The following DPYSL2 variants were observed in gnomAD, a reference collection of about 807,000 sequenced individuals.
DPYSL2 encodes the protein dihydropyrimidinase-related protein 2.
In DPYSL2, 13 loss-of-function variants were observed where a neutral mutation model predicts 69.9. The ratio of observed to expected loss-of-function variants is 0.19; its 90% CI spans 0.12 to 0.30. DPYSL2 has a LOEUF of 0.30. Ranked by LOEUF, DPYSL2 falls within the 10% of genes least tolerant of loss-of-function variation. The probability of loss-of-function intolerance (pLI) is 1.00; values close to 1 mark genes in which losing one functional copy is unlikely to be tolerated. For synonymous variants in DPYSL2, 326 were observed against 359.1 expected (o/e 0.91, Z 1.04); for missense variants, 587 against 918.9 (o/e 0.64, Z 4.67).
intron 1 of DPYSL2, among the ~76,000 whole-genome samples, chr8:26,556,250 G>GTATATATATGGTA (rs1800968430): frequency 1.5e-4 from 1 of 6,464 alleles, no homozygotes; most frequent in African/African-American, 3.6e-4. Context: ...AATATATATA[G>GTATATATATGGTA]TATATATATA....
At position 26,598,879 on chromosome 8, in the gene DPYSL2, G is replaced by A. The variant is rs1043822937; in HGVS notation, c.628+14896G>A. On this transcript the variant is annotated intron_variant, in intron 3 of 13. Transcript: ENST00000521913. The surrounding 1 kb of genome is among the most constrained non-coding windows in gnomAD (Gnocchi z 4.2). ...AAGGGATGTGGCACTCGGGCAGGAC[G>A]GGGGCTGCTTCTGTGCCTTTTCCCC... Among the ~76,000 whole-genome samples, 7 of 152,308 alleles carry A rather than the reference G, an allele frequency of 4.6e-5. No individual in the cohort carries two copies. Among genetic ancestry groups the A allele is most frequent in the South Asian group, 2.1e-4 (1 of 4,828 alleles).
At chr8:26,557,996 A>T (rs751027260) in intron 1 of DPYSL2, among the ~76,000 whole-genome samples, 3 of 151,938 alleles carry the variant, frequency 2.0e-5, no homozygotes, top group Non-Finnish European at 2.9e-5. Flanking sequence ...GCTGGTGAGG[A>T]TGCAAAATGG....
intron 1 of DPYSL2, among the ~76,000 whole-genome samples, chr8:26,555,693 T>G (rs1037093950): frequency 6.6e-6 from 1 of 151,440 alleles, no homozygotes; most frequent in Non-Finnish European, 1.5e-5. Context: ...GAGACCAGCC[T>G]GGGCAACATG....
In DPYSL2 at chr8:26,626,783, T is replaced by G; in HGVS notation, c.855+105T>G. ...GATGTATGCATGTTTCCTAGCTTCC[T>G]GGGAAGTGGCTGGTGGATGCAGTTA... On this transcript the variant is annotated intron_variant, in intron 5 of 13. Transcript: ENST00000521913. This position sits in a 1 kb window ranked among gnomAD's most constrained non-coding sequence, Gnocchi z 4.3. 1 of 1,222,136 alleles carries G rather than the reference T, an allele frequency of 8.2e-7. No individual in the cohort carries two copies. The highest frequency in any genetic ancestry group is 2.3e-5 in the East Asian group (1 of 42,908). 75.7% of individuals were successfully genotyped at this position (1,222,136 alleles called of 1,614,324 possible).
rs1803189443 is a variant in DPYSL2 at position 26,647,366 on chromosome 8, C to T, written c.1426-264C>T. 6.6e-6 allele frequency among the ~76,000 whole-genome samples: 1 copy of T among 152,138 alleles called. No individual in the cohort carries two copies. Among genetic ancestry groups the T allele is most frequent in the Admixed American group, 6.5e-5 (1 of 15,272 alleles). On this transcript the variant is annotated intron_variant, in intron 10 of 13. Transcript: ENST00000521913. The surrounding 1 kb of genome is among the most constrained non-coding windows in gnomAD (Gnocchi z 5.1). The stretch of plus-strand genomic sequence containing the variant: ...TTTCAGAGACCAACCTCTTGCTGCT[C>T]CTCCCCTCCACCCTCCCTAACCCTG...
At position 26,613,712 on chromosome 8, in the gene DPYSL2, A is replaced by G. The variant is rs543287297; in HGVS notation, c.629-10431A>G. ...AGGAGAGGGAGAGATCAGGAGCCCC[A>G]TGCCTGCCAGCCAGGGAAGGCCCTG... On this transcript the variant is annotated intron_variant, in intron 3 of 13. Coordinates refer to ENST00000521913, the MANE Select transcript of DPYSL2 (RefSeq NM_001197293.3). Among the ~76,000 whole-genome samples, 82 of 152,320 alleles carry G rather than the reference A, an allele frequency of 5.4e-4. No homozygotes were observed. The South Asian group carries it at 0.017, about 31-fold the overall frequency.
At chr8:26,556,114 A>AG (rs1463856192) in intron 1 of DPYSL2, among the ~76,000 whole-genome samples, 214 of 17,010 alleles carry the variant, frequency 0.013, 2 homozygotes, top group Admixed American at 0.028. Context: ...TAGTATATAT[A>AG]TACTATATAT....
In DPYSL2 at chr8:26,627,268, C is replaced by T. The variant is rs142990814; in HGVS notation, c.909C>T (p.His303=). The change falls in exon 6 of 14, where the codon CAC becomes CAT. Residue 303 remains histidine, a synonymous_variant. Coordinates refer to ENST00000521913, the MANE Select transcript of DPYSL2 (RefSeq NM_001197293.3). This position sits in a 1 kb window ranked among gnomAD's most constrained non-coding sequence, Gnocchi z 6.9. The part of the protein sequence containing the change: ...IRDIGAIAQV[H]AENGDIIAEE... ...ATATTGGCGCCATAGCCCAAGTCCA[C>T]GCAGAAAATGGCGACATCATTGCAG... 1.0e-4 allele frequency: 167 copies of T among 1,614,172 alleles called. No individual in the cohort carries two copies. Among genetic ancestry groups the T allele is most frequent in the African/African-American group, 5.3e-4 (40 of 75,046 alleles).
Position 26,609,344 on chromosome 8 carries a change from C to A in DPYSL2, c.629-14799C>A, listed in dbSNP as rs11775967. On this transcript the variant is annotated intron_variant, in intron 3 of 13. Transcript: ENST00000521913. This position sits in a 1 kb window ranked among gnomAD's most constrained non-coding sequence, Gnocchi z 6.5. ...AACAATGGCTTTGGGGCTTTTGGGG[C>A]GCATTTAGTTCTGCACGTTGTGTAT... Among the ~76,000 whole-genome samples the A allele has an allele frequency of 0.2, 30,289 of 151,950 alleles. 3,202 individuals are homozygous for A. Among genetic ancestry groups the A allele is most frequent in the African/African-American group, 0.26 (10,785 of 41,404 alleles).
intron 1 of DPYSL2, among the ~76,000 whole-genome samples, chr8:26,532,587 C>T (rs1366942772): frequency 6.6e-6 from 1 of 152,144 alleles, no homozygotes; most frequent in Non-Finnish European, 1.5e-5. Context: ...ATGGATTTGC[C>T]TATTTTCACA....
chr8:26,633,882 G>T (rs1246806529), intron 7 of DPYSL2, among the ~76,000 whole-genome samples: 1 of 152,230 alleles, frequency 6.6e-6, no homozygotes, highest in African/African-American at 2.4e-5. Flanking sequence ...CACACACAGG[G>T]GGCCATTGGT....
In DPYSL2 at chr8:26,647,909, G is replaced by T; in HGVS notation, c.1596+109G>T. On this transcript the variant is annotated intron_variant, in intron 11 of 13. Transcript: ENST00000521913. This position sits in a 1 kb window ranked among gnomAD's most constrained non-coding sequence, Gnocchi z 5.1. ...AAAAAGAACTTGCTGTGATGGGAAT[G>T]CGCTCGACTGAGGATGTTATGATTT... 7.6e-7 allele frequency: 1 copy of T among 1,310,970 alleles called. No homozygotes were observed. Among genetic ancestry groups the T allele is most frequent in the Non-Finnish European group, 1.0e-6 (1 of 962,638 alleles). The allele number at this position is 1,310,970 out of a possible 1,614,324, so 81.2% of individuals were successfully genotyped here.
At position 26,626,684 on chromosome 8, in the gene DPYSL2, A is replaced by G. The variant is rs370271413; in HGVS notation, c.855+6A>G. On this transcript the variant is annotated splice_donor_region_variant and intron_variant, in intron 5 of 13. Coordinates refer to ENST00000521913, the MANE Select transcript of DPYSL2 (RefSeq NM_001197293.3). This position sits in a 1 kb window ranked among gnomAD's most constrained non-coding sequence, Gnocchi z 4.3. Reference sequence around the variant, plus strand: ...TCCAGCTAACGGATTGCCAGGTAAGAAAGTCGGCTTTTCGGAAGAGGCACC... The same window carrying G: ...TCCAGCTAACGGATTGCCAGGTAAGGAAGTCGGCTTTTCGGAAGAGGCACC... 1.7e-5 allele frequency: 28 copies of G among 1,614,036 alleles called. No homozygotes were observed. In the South Asian group the frequency reaches 2.6e-4, roughly 15 times the overall value.
rs568730080 is a variant in DPYSL2 at position 26,555,167 on chromosome 8, C to A, written c.355-26802C>A. On this transcript the variant is annotated intron_variant, in intron 1 of 13. Coordinates refer to ENST00000521913, the MANE Select transcript of DPYSL2 (RefSeq NM_001197293.3). The stretch of plus-strand genomic sequence containing the variant: ...CTAACATCATATTTATGGTGAGAAA[C>A]CATAAACTTTCCTGCTAACAATAGG... 1.7e-4 allele frequency among the ~76,000 whole-genome samples: 26 copies of A among 152,134 alleles called. No homozygotes were observed. The Middle Eastern group carries it at 0.01, about 60-fold the overall frequency.
At chr8:26,575,887 C>T (rs1374531451) in intron 1 of DPYSL2, among the ~76,000 whole-genome samples, 1 of 152,152 alleles carries the variant, frequency 6.6e-6, no homozygotes, top group Non-Finnish European at 1.5e-5. Flanking sequence ...CACTCCTCTC[C>T]ACTGCCCTGT....
intron 1 of DPYSL2, among the ~76,000 whole-genome samples, chr8:26,535,635 A>ATATT (rs1484035216): frequency 6.9e-5 from 10 of 145,872 alleles, no homozygotes; most frequent in African/African-American, 2.7e-4. Flanking sequence ...ATATATATAT[A>ATATT]TTTTTTTTTT....
chr8:26,582,466 A>T lies in DPYSL2; in HGVS notation c.443+409A>T, dbSNP rs1207382792. On this transcript the variant is annotated intron_variant, in intron 2 of 13. Coordinates refer to ENST00000521913, the MANE Select transcript of DPYSL2 (RefSeq NM_001197293.3). This position sits in a 1 kb window ranked among gnomAD's most constrained non-coding sequence, Gnocchi z 4.1. ...TTGAGACAGCACATCTGCTTTCTTC[A>T]TCAAGAATCCAAGTTGGAGGGGCCA... is the stretch of plus-strand genomic sequence containing the variant. Among the ~76,000 whole-genome samples, 1 of 152,252 alleles carries T rather than the reference A, an allele frequency of 6.6e-6. No homozygotes were observed. The highest frequency in any genetic ancestry group is 2.1e-4 in the South Asian group (1 of 4,834).
At chr8:26,552,362 T>A (rs1428874108) in intron 1 of DPYSL2, among the ~76,000 whole-genome samples, 1 of 152,078 alleles carries the variant, frequency 6.6e-6, no homozygotes, top group Non-Finnish European at 1.5e-5. Flanking sequence ...AAATTCAAAG[T>A]AAACAGAAGA....
chr8:26,627,861 A>G lies in DPYSL2; in HGVS notation c.937-11A>G, dbSNP rs1205559595. The G allele has an allele frequency of 7.4e-6, 12 of 1,613,242 alleles. No individual in the cohort carries two copies. Among genetic ancestry groups the G allele is most frequent in the Non-Finnish European group, 9.3e-6 (11 of 1,179,852 alleles). ...TCTCCCTCACAGCCTGACTTTCTCT[A>G]AACATTGCAGGAGCAGCAGAGGATC... On this transcript the variant is annotated splice_polypyrimidine_tract_variant and intron_variant, in intron 6 of 13. Coordinates refer to ENST00000521913, the MANE Select transcript of DPYSL2 (RefSeq NM_001197293.3). The surrounding 1 kb of genome is among the most constrained non-coding windows in gnomAD (Gnocchi z 6.9).
Sources: gnomAD v4.1 joint callset for allele counts (sites outside exome capture counted in the v4.1 genomes callset) on GRCh38, gnomAD v4.1.1 for gene constraint, Gnocchi (gnomAD v3.1) non-coding constraint, MANE v1.5 for transcripts, NCBI Gene and HGNC (gene_info 2026-07-23, HGNC 2026-07-21) for gene names.